The following TNFRSF10A variants were observed in gnomAD, a reference collection of about 807,000 sequenced individuals.
TNFRSF10A encodes the protein tumor necrosis factor receptor superfamily member 10A.
In TNFRSF10A, 44 loss-of-function variants were observed where a neutral mutation model predicts 42.8. That is an observed-to-expected ratio of 1.03 (90% CI 0.81 to 1.32). The LOEUF is 1.32. TNFRSF10A is among the 40% of genes most tolerant of loss of function. The pLI is 0.00. For synonymous variants in TNFRSF10A, 259 were observed against 234.2 expected (o/e 1.11, Z -0.97); for missense variants, 680 against 602.0 (o/e 1.13, Z -1.36).
At position 23,199,591 on chromosome 8, in the gene TNFRSF10A, T is replaced by G. The variant is rs1006671223; in HGVS notation, c.832-143A>C. 3 of 1,089,442 alleles carry G rather than the reference T, an allele frequency of 2.8e-6. No individual in the cohort carries two copies. The East Asian group carries it at 7.6e-5, about 28-fold the overall frequency. The allele number at this position is 1,089,442 out of a possible 1,614,324, so 67.5% of individuals were successfully genotyped here. On this transcript the variant is annotated intron_variant, in intron 7 of 9. Transcript: ENST00000221132. Reference sequence around the variant, plus strand: ...CATGCTCAGCACATCCAGGACCTGCTGCTGGGGCCAGGCCCTGGTGCTGGG... The same window carrying G: ...CATGCTCAGCACATCCAGGACCTGCGGCTGGGGCCAGGCCCTGGTGCTGGG...
rs1266267888 is a variant in TNFRSF10A at position 23,191,792 on chromosome 8, C to T, written c.1309G>A (p.Glu437Lys). 1.2e-6 allele frequency: 2 copies of T among 1,614,158 alleles called. No homozygotes were observed. The highest frequency in any genetic ancestry group is 2.2e-5 in the South Asian group (2 of 91,080). ...TGAATCTTCTCTCTTGCATGTCTCT[C>T]TTCCATCCTCTCCAAGGCATCCAGC... The part of the protein sequence containing the change: ...TLLDALERME[E>K]RHAREKIQDL... The change falls in exon 10 of 10, where the codon GAG (glutamate) becomes AAG (lysine). Residue 437 changes from glutamate to lysine, a missense_variant. Physicochemically the swap from Glu to Lys is moderately conservative, Grantham distance 56. Coordinates refer to ENST00000221132, the MANE Select transcript of TNFRSF10A (RefSeq NM_003844.4).
rs370037331 is a variant in TNFRSF10A, at chr8:23,201,961, C to T, written c.518-42G>A. ...AGGTTTTGGGAATGTGTTTCCCTGA[C>T]GTGTCCCTTGACCTTTCCTCACCAC... On this transcript the variant is annotated intron_variant, in intron 3 of 9. Transcript: ENST00000221132. 2.2e-5 allele frequency: 34 copies of T among 1,578,834 alleles called. No homozygotes were observed. The African/African-American group carries it at 3.2e-4, about 15-fold the overall frequency.
intron 2 of TNFRSF10A, among the ~76,000 whole-genome samples, chr8:23,203,123 T>C (rs1800958146): frequency 6.6e-6 from 1 of 152,224 alleles, no homozygotes; most frequent in Admixed American, 6.5e-5. Context: ...TTATTTTGAA[T>C]ACTAAGTGTT....
intron 1 of TNFRSF10A, among the ~76,000 whole-genome samples, chr8:23,223,458 C>T (rs992046755): frequency 1.3e-5 from 2 of 152,236 alleles, no homozygotes; most frequent in Non-Finnish European, 2.9e-5. Context: ...GTGAGCCCTA[C>T]ATCCACCTGG....
intron 2 of TNFRSF10A, among the ~76,000 whole-genome samples, chr8:23,210,514 T>C (rs1801079469): frequency 6.6e-6 from 1 of 152,082 alleles, no homozygotes; most frequent in South Asian, 2.1e-4. Flanking sequence ...ACCCCGTCTC[T>C]ACTAAAAAAT....
intron 1 of TNFRSF10A, among the ~76,000 whole-genome samples, chr8:23,213,792 T>G (rs1049352791): frequency 3.9e-5 from 6 of 152,096 alleles, no homozygotes; most frequent in African/African-American, 1.4e-4. Context: ...GATTGTTCAT[T>G]TATTTCTTCT....
intron 9 of TNFRSF10A, among the ~76,000 whole-genome samples, chr8:23,194,706 G>A (rs1800799677): frequency 6.6e-6 from 1 of 152,188 alleles, no homozygotes. Flanking sequence ...TTAAATGATG[G>A]TGTCTAATAT....
chr8:23,222,824 G>C (rs770074159), intron 1 of TNFRSF10A, among the ~76,000 whole-genome samples: 8 of 151,992 alleles, frequency 5.3e-5, no homozygotes, highest in Non-Finnish European at 1.0e-4. Context: ...CATGACACCT[G>C]GTTGTTAGAA....
At chr8:23,201,706 A>T in intron 4 of TNFRSF10A, 102 bp downstream of exon 4, 1 of 1,087,484 alleles carries the variant, frequency 9.2e-7, no homozygotes, top group Non-Finnish European at 1.4e-6. Context: ...CCATGGGGTC[A>T]GGGCTGATAG....
chr8:23,199,493 C>T, intron 7 of TNFRSF10A, 45 bp from the exon 8 acceptor site: 2 of 1,594,656 alleles, frequency 1.3e-6, no homozygotes, highest in Non-Finnish European at 1.7e-6. Context: ...ACCCAGGGCT[C>T]CCCACGGGGT....
intron 1 of TNFRSF10A, 190 bp downstream of exon 1, chr8:23,224,566 G>T (rs1233586899): frequency 5.7e-6 from 4 of 702,100 alleles, no homozygotes; most frequent in Non-Finnish European, 9.3e-6. Context: ...CTGCCTCCAG[G>T]CCCGGGTCGC....
intron 2 of TNFRSF10A, among the ~76,000 whole-genome samples, chr8:23,208,159 G>A (rs1237550081): frequency 6.6e-6 from 1 of 152,176 alleles, no homozygotes; most frequent in Non-Finnish European, 1.5e-5. Flanking sequence ...ATGGAGATGA[G>A]GAACTTATTG....
Position 23,201,810 on chromosome 8 carries a change from T to C in TNFRSF10A, c.627A>G (p.Arg209=). The C allele has an allele frequency of 2.5e-6, 4 of 1,614,010 alleles. No individual in the cohort carries two copies. Among genetic ancestry groups the C allele is most frequent in the Admixed American group, 1.7e-5 (1 of 60,014 alleles). ...GAGCCCCTTGGCTGTTGTCTCACCC[T>C]CTGCTGCACTTCCGGCACATCTCAG... ...NSAEMCRKCS[R]GCPRGMVKVK... The change falls in exon 4 of 10, where the codon AGA becomes AGG. Residue 209 remains arginine, a splice_region_variant and synonymous_variant. Transcript: ENST00000221132.
In TNFRSF10A at chr8:23,195,737, CGA is replaced by C. The variant is rs200592422; in HGVS notation, c.1087+1393_1087+1394del. On this transcript the variant is annotated intron_variant, in intron 9 of 9. Transcript: ENST00000221132. ...AATTTGTCTTTGGTGGAAGTGGGGC[CGA>C]GAGAGAGAGATTGTGTTTCAGAAGA... is the stretch of plus-strand genomic sequence containing the variant. Among the ~76,000 whole-genome samples, 491 of 151,770 alleles carry C rather than the reference CGA, an allele frequency of 3.2e-3. 2 individuals carry two copies. Among genetic ancestry groups the C allele is most frequent in the African/African-American group, 0.011 (470 of 41,390 alleles).
At chr8:23,192,079 C>A (rs2128845897) in intron 9 of TNFRSF10A, 66 bp from the exon 10 acceptor site, 29 of 1,543,140 alleles carry the variant, frequency 1.9e-5, no homozygotes, top group Non-Finnish European at 2.3e-5. Context: ...GGCAGAGGAT[C>A]CCACATCAGG....
rs1188506490 is a variant in TNFRSF10A, at chr8:23,192,013, G to C, written c.1088C>G (p.Thr363Ser). 1.2e-6 allele frequency: 2 copies of C among 1,611,136 alleles called. No homozygotes were observed. Among genetic ancestry groups the C allele is most frequent in the Admixed American group, 1.7e-5 (1 of 59,578 alleles). Residue 363 changes from threonine (T) to serine (S), a missense_variant and splice_region_variant, in exon 10 of 10, where the codon ACT (threonine) becomes AGT (serine). By Grantham distance (58) the Thr-to-Ser change is moderately conservative. Coordinates refer to ENST00000221132, the MANE Select transcript of TNFRSF10A (RefSeq NM_003844.4). ...VPANGADPTE[T>S]LMLFFDKFAN... ...AAACTTGTCAAAGAACAGCATCAGA[G>C]CTGGGTGGAGAAAGCCACAGAGACA...
chr8:23,215,809 G>A (rs1346766307), intron 1 of TNFRSF10A, among the ~76,000 whole-genome samples: 1 of 150,390 alleles, frequency 6.6e-6, no homozygotes, highest in African/African-American at 2.4e-5. Flanking sequence ...TTTAAAGTTT[G>A]GTTTATTACT....
At chr8:23,208,824 A>C (rs1801054455) in intron 2 of TNFRSF10A, among the ~76,000 whole-genome samples, 1 of 152,216 alleles carries the variant, frequency 6.6e-6, no homozygotes, top group African/African-American at 2.4e-5. Flanking sequence ...AATGTGCTAG[A>C]AAAGAAAACC....
chr8:23,205,771 C>T (rs367852340), intron 2 of TNFRSF10A, among the ~76,000 whole-genome samples: 5 of 141,776 alleles, frequency 3.5e-5, no homozygotes, highest in East Asian at 4.4e-4. Context: ...AGTGCAGTGG[C>T]GCAATCTCAG....
Sources: gnomAD v4.1 joint callset for allele counts (sites outside exome capture counted in the v4.1 genomes callset) on GRCh38, gnomAD v4.1.1 for gene constraint, MANE v1.5 for transcripts, NCBI Gene and HGNC (gene_info 2026-07-23, HGNC 2026-07-21) for gene names.